PUM1: variants seen among roughly 807,000 people sequenced by gnomAD.
PUM1 encodes the protein pumilio RNA binding family member 1, also known as pumilio homolog 1.
In PUM1, 13 loss-of-function variants were observed where a neutral mutation model predicts 131.8. The ratio of observed to expected loss-of-function variants is 0.10; its 90% CI spans 0.06 to 0.16. The LOEUF (loss-of-function observed/expected upper bound fraction) is 0.16. Ranked by LOEUF, PUM1 falls within the 10% of genes least tolerant of loss-of-function variation. The probability of loss-of-function intolerance (pLI) is 1.00; values close to 1 mark genes in which losing one functional copy is unlikely to be tolerated. For missense variants in PUM1, 961 were observed against 1,512.4 expected (o/e 0.64, Z 6.05); for synonymous variants, 509 against 556.5 (o/e 0.91, Z 1.20).
chr1:31,054,498 C>A (rs1644190629), intron 2 of PUM1, among the ~76,000 whole-genome samples: 1 of 140,738 alleles, frequency 7.1e-6, no homozygotes, highest in Non-Finnish European at 1.5e-5. Flanking sequence ...CCTGCCAATT[C>A]GATCTCAAAC....
At chr1:31,031,464 A>G (rs1643429215) in intron 2 of PUM1, among the ~76,000 whole-genome samples, 1 of 152,206 alleles carries the variant, frequency 6.6e-6, no homozygotes, top group Non-Finnish European at 1.5e-5. Flanking sequence ...TAGGAAACTG[A>G]TCCTCCAAGA....
intron 17 of PUM1, 61 bp from the exon 18 acceptor site, chr1:30,945,544 A>G: frequency 2.5e-6 from 4 of 1,575,754 alleles, no homozygotes; most frequent in Non-Finnish European, 3.5e-6. Flanking sequence ...GACAAATAAT[A>G]TTCTTTTCAC....
intron 2 of PUM1, among the ~76,000 whole-genome samples, chr1:31,056,689 T>C (rs1394227962): frequency 7.0e-6 from 1 of 143,656 alleles, no homozygotes; most frequent in Non-Finnish European, 1.5e-5. Flanking sequence ...TGCAGTGGCA[T>C]GATCTCTGTT....
intron 2 of PUM1, among the ~76,000 whole-genome samples, chr1:31,029,168 A>G (rs1274059703): frequency 6.6e-6 from 1 of 152,238 alleles, no homozygotes; most frequent in Admixed American, 6.5e-5. Flanking sequence ...ATACTTTTTA[A>G]TTTAATAAGA....
intron 2 of PUM1, among the ~76,000 whole-genome samples, chr1:31,029,868 C>T (rs1030994872): frequency 8.2e-5 from 12 of 146,632 alleles, no homozygotes; most frequent in Non-Finnish European, 1.3e-4. Flanking sequence ...GAGCCGTGAT[C>T]GCACCACTGG....
At chr1:31,038,972 ATATATATATATATT>A (rs1157008116) in intron 2 of PUM1, among the ~76,000 whole-genome samples, 2 of 30,100 alleles carry the variant, frequency 6.6e-5, no homozygotes, top group Non-Finnish European at 1.1e-4. Context: ...ATATATATAT[ATATATATATATATT>A]TTTTTTTTTT....
At chr1:30,963,393 T>G (rs568767966) in intron 14 of PUM1, among the ~76,000 whole-genome samples, 1 of 152,338 alleles carries the variant, frequency 6.6e-6, no homozygotes, top group South Asian at 2.1e-4. Context: ...GTAACTTTTA[T>G]AAAGTGATGT....
chr1:31,044,812 G>T (rs545808224), intron 2 of PUM1, among the ~76,000 whole-genome samples: 5 of 151,916 alleles, frequency 3.3e-5, no homozygotes, highest in South Asian at 2.1e-4. Context: ...TTTGTTTTTT[G>T]TTGTTGTTGT....
chr1:31,020,373 T>G (rs1557589456), intron 3 of PUM1, among the ~76,000 whole-genome samples: 1 of 152,192 alleles, frequency 6.6e-6, no homozygotes, highest in Non-Finnish European at 1.5e-5. Context: ...AGCGCAAGTG[T>G]CTTTTTGGTA....
chr1:31,048,156 A>G (rs1006203791), intron 2 of PUM1, among the ~76,000 whole-genome samples: 2 of 149,814 alleles, frequency 1.3e-5, no homozygotes, highest in Non-Finnish European at 3.0e-5. Context: ...GGAGAATGAC[A>G]TGAACCCAGG....
At chr1:31,030,703 T>C (rs954730600) in intron 2 of PUM1, among the ~76,000 whole-genome samples, 1 of 95,718 alleles carries the variant, frequency 1.0e-5, no homozygotes, top group Non-Finnish European at 1.9e-5. Context: ...AGTGAGACAG[T>C]GTCCGGAAAA....
chr1:30,990,160 G>A (rs535645106), intron 7 of PUM1, among the ~76,000 whole-genome samples: 12 of 152,308 alleles, frequency 7.9e-5, no homozygotes, highest in East Asian at 5.8e-4. Flanking sequence ...AGCATATTAC[G>A]TACAGAGGAT....
chr1:30,936,969 C>G, intron 20 of PUM1, 134 bp from the exon 21 acceptor site: 1 of 715,312 alleles, frequency 1.4e-6, no homozygotes, highest in Non-Finnish European at 2.2e-6. Flanking sequence ...GAAGATGAGT[C>G]GCCAACTGTC....
intron 13 of PUM1, 47 bp from the exon 14 acceptor site, chr1:30,964,957 G>A (rs776542160): frequency 2.5e-5 from 37 of 1,506,232 alleles, no homozygotes; most frequent in African/African-American, 2.2e-4. Context: ...CCTGTTCTTC[G>A]AAGAACAAGC....
chr1:30,939,364 G>A lies in PUM1; in HGVS notation c.3242+1787C>T, dbSNP rs1464096880. 3.9e-5 allele frequency among the ~76,000 whole-genome samples: 6 copies of A among 152,274 alleles called. No individual in the cohort carries two copies. In the East Asian group the frequency reaches 5.8e-4, roughly 15 times the overall value. On this transcript the variant is annotated intron_variant, in intron 20 of 21. Transcript: ENST00000426105. ...TGGAAATGTGGTTCAGGGGTCAGCCGGACTTGGGGGAAGGTTAAAACTGGG... is the reference window on the plus strand; with the variant it reads ...TGGAAATGTGGTTCAGGGGTCAGCCAGACTTGGGGGAAGGTTAAAACTGGG...
At chr1:30,978,539 G>A (rs992796389) in intron 9 of PUM1, among the ~76,000 whole-genome samples, 3 of 152,166 alleles carry the variant, frequency 2.0e-5, no homozygotes, top group Non-Finnish European at 4.4e-5. Context: ...TCTAAGAAAT[G>A]CTAGGCTACA....
At chr1:30,941,952 A>G in intron 19 of PUM1, 46 bp downstream of exon 19, 2 of 1,485,536 alleles carry the variant, frequency 1.3e-6, no homozygotes, top group African/African-American at 2.8e-5. Context: ...CTGGCCCTGC[A>G]CAAGCCCACA....
chr1:30,969,328 A>G (rs1244110996), intron 10 of PUM1, among the ~76,000 whole-genome samples: 5 of 146,846 alleles, frequency 3.4e-5, no homozygotes, highest in East Asian at 1.9e-4. Context: ...AAAAAAAAAA[A>G]AAAAAAAAGA....
At chr1:31,047,657 C>T (rs1023735884) in intron 2 of PUM1, among the ~76,000 whole-genome samples, 12 of 152,168 alleles carry the variant, frequency 7.9e-5, no homozygotes, top group African/African-American at 2.9e-4. Context: ...AATAACATCC[C>T]ACTGGCTGGG....
Sources: allele counts gnomAD v4.1 joint callset (sites outside exome capture counted in the v4.1 genomes callset), GRCh38; gene constraint gnomAD v4.1.1; transcripts MANE v1.5; gene names NCBI Gene and HGNC (gene_info 2026-07-23, HGNC 2026-07-21).